The following EDN2 variants were observed in gnomAD, a reference collection of about 807,000 sequenced individuals.
The protein encoded by EDN2 is endothelin-2.
EDN2 carries 10 observed loss-of-function variants against 19.9 expected under a neutral mutation model. The observed-to-expected ratio is 0.50, with a 90% confidence interval of 0.31 to 0.85. The LOEUF is 0.85. Among genes scored for constraint, EDN2 ranks in the 40% least tolerant of loss-of-function variants. EDN2 has a pLI of 0.05. For synonymous variants in EDN2, 84 were observed against 94.9 expected (o/e 0.89, Z 0.67); for missense variants, 222 against 239.3 (o/e 0.93, Z 0.48).
chr1:41,483,757 A>T, intron 2 of EDN2: 1 of 306,116 alleles, frequency 3.3e-6, no homozygotes, highest in Non-Finnish European at 6.1e-6. Flanking sequence ...TACCTGTGTG[A>T]TCTTGGGGGA....
chr1:41,482,130 C>T (rs1644252798), intron 3 of EDN2, among the ~76,000 whole-genome samples: 1 of 152,234 alleles, frequency 6.6e-6, no homozygotes, highest in Non-Finnish European at 1.5e-5. Context: ...CAAGGCCTGG[C>T]CCTCCTTCTG....
At chr1:41,482,395 G>T in intron 3 of EDN2, 71 bp downstream of exon 3, 2 of 1,465,542 alleles carry the variant, frequency 1.4e-6, no homozygotes, top group South Asian at 1.4e-5. Context: ...TAGTCTCCCA[G>T]ACACCTGCTC....
At chr1:41,481,771 C>T (rs1436550469) in intron 3 of EDN2, among the ~76,000 whole-genome samples, 1 of 152,140 alleles carries the variant, frequency 6.6e-6, no homozygotes, top group African/African-American at 2.4e-5. Context: ...GAACTCCTGA[C>T]CTCAGGTGAT....
Position 41,482,587 on chromosome 1 carries a change from G to A in EDN2, c.223C>T (p.Gln75Ter). The A allele has an allele frequency of 6.4e-7, 1 of 1,568,210 alleles. No homozygotes were observed. Among genetic ancestry groups the A allele is most frequent in the South Asian group, 1.2e-5 (1 of 86,572 alleles). Residue 75 changes from glutamine to a stop codon, truncating the protein, a stop_gained and splice_region_variant, in exon 3 of 5, where the codon CAG becomes TAG. Transcript: ENST00000372587. LOFTEE classifies it high-confidence loss of function. ...TTTCCCAGGCCGTAAGGAGCTGTCT[G>A]TCTGTGGGCGGGCAGCCAGCAAGGT... The part of the protein sequence containing the change: ...LDIIWVNTPE[Q>*]TAPYGLGNPP...
At chr1:41,484,428 C>T in intron 1 of EDN2, 110 bp downstream of exon 1, 2 of 1,439,244 alleles carry the variant, frequency 1.4e-6, no homozygotes, top group Non-Finnish European at 1.9e-6. Flanking sequence ...CCGCCAGGCT[C>T]CCGCCCCTGT....
chr1:41,483,939 G>T, intron 2 of EDN2, 108 bp downstream of exon 2: 1 of 1,197,680 alleles, frequency 8.3e-7, no homozygotes, highest in Non-Finnish European at 1.2e-6. Flanking sequence ...TCCATCTGGA[G>T]GCCCAGGGAG....
intron 4 of EDN2, 91 bp downstream of exon 4, chr1:41,481,004 G>A (rs1477521164): frequency 9.1e-7 from 1 of 1,099,368 alleles, no homozygotes; most frequent in Non-Finnish European, 1.4e-6. Context: ...GCTGCCCAAT[G>A]AGGACCCAGG....
intron 2 of EDN2, chr1:41,483,772 C>T (rs866603335): frequency 2.8e-6 from 1 of 359,066 alleles, no homozygotes; most frequent in Non-Finnish European, 5.1e-6. Context: ...GGGGGAGGCG[C>T]TTAAGCTCTC....
At chr1:41,482,720 G>A (rs1406541624) in intron 2 of EDN2, 132 bp from the exon 3 acceptor site, 1 of 1,255,532 alleles carries the variant, frequency 8.0e-7, no homozygotes, top group African/African-American at 1.6e-5. Context: ...TGCCCACTGG[G>A]ACAGCCACCC....
chr1:41,479,348 C>G lies in EDN2; in HGVS notation c.*61G>C, dbSNP rs1490157249. On this transcript the variant is annotated 3_prime_UTR_variant, in exon 5 of 5. Transcript: ENST00000372587. ...CAGGCAGAGAGTCCACAAGCCCTGG[C>G]CACTTCTCTCCTCCTCTCTCCCCGC... The G allele has an allele frequency of 7.1e-7, 1 of 1,405,566 alleles. No individual in the cohort carries two copies. Among genetic ancestry groups the G allele is most frequent in the Admixed American group, 1.7e-5 (1 of 58,628 alleles). The allele number at this position is 1,405,566 out of a possible 1,614,324, so 87.1% of individuals were successfully genotyped here. A position where few individuals can be genotyped will look rare whatever the true frequency, so the allele number is the denominator to read the frequency against.
In EDN2 at chr1:41,478,798, C is replaced by T. The variant is rs1467402425; in HGVS notation, c.*611G>A. On this transcript the variant is annotated 3_prime_UTR_variant, in exon 5 of 5. Transcript: ENST00000372587. The stretch of plus-strand genomic sequence containing the variant: ...AGTATGTTTCCTCATTTATTATAAA[C>T]ACAAGTTCGCAGGTAAATAGAGGGT... 1 of 163,628 alleles carries T rather than the reference C, an allele frequency of 6.1e-6. No individual in the cohort carries two copies. The highest frequency in any genetic ancestry group is 2.4e-5 in the African/African-American group (1 of 41,632). 10.1% of individuals were successfully genotyped at this position (163,628 alleles called of 1,614,324 possible). A position where few individuals can be genotyped will look rare whatever the true frequency, so the allele number is the denominator to read the frequency against.
At chr1:41,481,215 C>T in intron 3 of EDN2, 22 bp from the exon 4 acceptor site, 2 of 1,606,160 alleles carry the variant, frequency 1.2e-6, no homozygotes, top group South Asian at 2.2e-5. Context: ...GCATTAGGGC[C>T]CAAGTGATGG....
At chr1:41,481,361 G>C (rs1330960898) in intron 3 of EDN2, among the ~76,000 whole-genome samples, 168 bp from the exon 4 acceptor site, 1 of 152,186 alleles carries the variant, frequency 6.6e-6, no homozygotes. Flanking sequence ...AGGTGGGGTG[G>C]GGACTGAGGA....
rs1447871401 is a variant in EDN2 at position 41,484,520 on chromosome 1, G to A, written c.64+18C>T. On this transcript the variant is annotated intron_variant, in intron 1 of 4. Coordinates refer to ENST00000372587, the MANE Select transcript of EDN2 (RefSeq NM_001956.5). ...GACCCAGGAGCTGTAGGCAGCAGGT[G>A]AGGCCAGGGCAGCTCACCTTCATGC... 6.4e-7 allele frequency: 1 copy of A among 1,551,930 alleles called. No individual in the cohort carries two copies. The highest frequency in any genetic ancestry group is 1.4e-5 in the African/African-American group (1 of 73,194).
intron 4 of EDN2, 152 bp downstream of exon 4, chr1:41,480,943 C>T: frequency 1.5e-6 from 1 of 669,806 alleles, no homozygotes; most frequent in Non-Finnish European, 2.7e-6. Flanking sequence ...CCGCTGACTG[C>T]TGTGTGACTT....
At chr1:41,482,732 T>C in intron 2 of EDN2, 144 bp from the exon 3 acceptor site, 1 of 1,175,976 alleles carries the variant, frequency 8.5e-7, no homozygotes, top group Non-Finnish European at 1.1e-6. Context: ...CAGCCACCCA[T>C]GCCAGCAGGG....
chr1:41,484,668 G>T lies in EDN2; in HGVS notation c.-67C>A. On this transcript the variant is annotated 5_prime_UTR_variant, in exon 1 of 5. Coordinates refer to ENST00000372587, the MANE Select transcript of EDN2 (RefSeq NM_001956.5). ...CCTGTTGCCAGCGTCCTGCTATTAA[G>T]CTGAGCAGATAGCTCATTGCCTCGG... 1 of 1,530,966 alleles carries T rather than the reference G, an allele frequency of 6.5e-7. No individual in the cohort carries two copies. The highest frequency in any genetic ancestry group is 8.8e-7 in the Non-Finnish European group (1 of 1,130,422). 94.8% of individuals were successfully genotyped at this position (1,530,966 alleles called of 1,614,324 possible). A position where few individuals can be genotyped will look rare whatever the true frequency, so the allele number is the denominator to read the frequency against.
At chr1:41,483,892 G>A (rs1644268906) in intron 2 of EDN2, 155 bp downstream of exon 2, 8 of 790,542 alleles carry the variant, frequency 1.0e-5, no homozygotes, top group Non-Finnish European at 1.6e-5. Flanking sequence ...CCCCACTCAG[G>A]AATTGAAACA....
Position 41,479,490 on chromosome 1 carries a change from T to A in EDN2, c.456A>T (p.Thr152=). 6.2e-7 allele frequency: 1 copy of A among 1,614,160 alleles called. No homozygotes were observed. Among genetic ancestry groups the A allele is most frequent in the Non-Finnish European group, 8.5e-7 (1 of 1,179,972 alleles). Residue 152 remains threonine (T), a synonymous_variant, in exon 5 of 5, where the codon ACA becomes ACT. Coordinates refer to ENST00000372587, the MANE Select transcript of EDN2 (RefSeq NM_001956.5). ...ELLQRLRDIS[T]VKSLFAKRQQ... is the part of the protein sequence containing the mutation. The stretch of plus-strand genomic sequence containing the variant: ...GTCGCTTGGCAAAGAGGCTCTTGAC[T>A]GTGGAAATGTCCCTGGGAATCAAGA...
Sources: gnomAD v4.1 joint callset for allele counts (sites outside exome capture counted in the v4.1 genomes callset) on GRCh38, gnomAD v4.1.1 for gene constraint, MANE v1.5 for transcripts, NCBI Gene and HGNC (gene_info 2026-07-23, HGNC 2026-07-21) for gene names.